NMNAT2: variants seen among roughly 807,000 people sequenced by gnomAD.
The protein encoded by NMNAT2 is nicotinamide/nicotinic acid mononucleotide adenylyltransferase 2.
NMNAT2 carries 11 observed loss-of-function variants against 41.6 expected under a neutral mutation model. That is an observed-to-expected ratio of 0.26 (90% CI 0.17 to 0.44). The LOEUF (loss-of-function observed/expected upper bound fraction) is 0.44, where lower values mean the gene tolerates loss of function less well. Among genes scored for constraint, NMNAT2 ranks in the 20% least tolerant of loss-of-function variants. The pLI is 1.00. For missense variants in NMNAT2, 288 were observed against 407.7 expected, an observed-to-expected ratio of 0.71 and a Z score of 2.53; for synonymous variants, 148 against 151.2, an observed-to-expected ratio of 0.98 and a Z score of 0.16.
intron 1 of NMNAT2, among the ~76,000 whole-genome samples, chr1:183,403,256 T>A (rs762809154): frequency 1.4e-4 from 21 of 152,166 alleles, no homozygotes; most frequent in Non-Finnish European, 2.8e-4. Flanking sequence ...ATCTTATTCC[T>A]CTTTTCTCCC....
At chr1:183,285,052 T>C (rs1401248034) in intron 5 of NMNAT2, among the ~76,000 whole-genome samples, 2 of 152,212 alleles carry the variant, frequency 1.3e-5, no homozygotes, top group African/African-American at 2.4e-5. Flanking sequence ...TATTTCATTG[T>C]TGAAAACTTG....
intron 1 of NMNAT2, among the ~76,000 whole-genome samples, chr1:183,353,168 G>A (rs1034497182): frequency 1.1e-4 from 17 of 151,924 alleles, no homozygotes; most frequent in African/African-American, 3.4e-4. Context: ...CATCGTGCCC[G>A]GCTAGTTTTT....
intron 1 of NMNAT2, among the ~76,000 whole-genome samples, chr1:183,300,263 G>A (rs552741511): frequency 4.8e-4 from 73 of 152,162 alleles, no homozygotes; most frequent in Non-Finnish European, 7.4e-4. Context: ...TTAGCCAGGC[G>A]TGGTGGCACG....
At chr1:183,304,819 C>T in intron 1 of NMNAT2, 1 of 1,604,534 alleles carries the variant, frequency 6.2e-7, no homozygotes. Context: ...TGCAGCTGCT[C>T]CCTCATTGTT....
intron 8 of NMNAT2, among the ~76,000 whole-genome samples, chr1:183,266,408 C>A (rs1233395203): frequency 1.3e-5 from 2 of 152,142 alleles, no homozygotes; most frequent in Non-Finnish European, 2.9e-5. Flanking sequence ...CCTAATTAAA[C>A]CTGCATCCCT....
chr1:183,370,906 G>A (rs1487345900), intron 1 of NMNAT2, among the ~76,000 whole-genome samples: 1 of 152,210 alleles, frequency 6.6e-6, no homozygotes, highest in Non-Finnish European at 1.5e-5. Flanking sequence ...AGAGCCTCAG[G>A]GAGGGTTGAG....
In NMNAT2 at chr1:183,412,796, A is replaced by G. The variant is rs142465093; in HGVS notation, c.85+5387T>C. On this transcript the variant is annotated intron_variant, in intron 1 of 10. Coordinates refer to ENST00000287713, the MANE Select transcript of NMNAT2 (RefSeq NM_015039.4). Reference sequence around the variant, plus strand: ...AAGAAACTGAAACAAGAATAAAACTATAAGCATTTAGTCTTATCTAGGGAA... The same window carrying G: ...AAGAAACTGAAACAAGAATAAAACTGTAAGCATTTAGTCTTATCTAGGGAA... Among the ~76,000 whole-genome samples, 175 of 152,364 alleles carry G rather than the reference A, an allele frequency of 1.1e-3. 1 individual carries two copies. The highest frequency in any genetic ancestry group is 6.8e-3 in the Middle Eastern group (2 of 294).
At chr1:183,290,357 A>G (rs1661509018) in intron 3 of NMNAT2, 151 bp from the exon 4 acceptor site, 1 of 591,382 alleles carries the variant, frequency 1.7e-6, no homozygotes, top group Non-Finnish European at 3.0e-6. Context: ...GGTGTGAAAC[A>G]CTCTTCTGAG....
intron 1 of NMNAT2, among the ~76,000 whole-genome samples, chr1:183,309,887 G>A (rs1662071298): frequency 6.6e-6 from 1 of 152,166 alleles, no homozygotes; most frequent in Non-Finnish European, 1.5e-5. Flanking sequence ...TCATTTTTTA[G>A]CTAAAGGTGC....
Position 183,416,915 on chromosome 1 carries a change from G to C in NMNAT2, c.85+1268C>G, listed in dbSNP as rs921519412. Among the ~76,000 whole-genome samples, 144 of 152,164 alleles carry C rather than the reference G, an allele frequency of 9.5e-4. 1 individual carries two copies. The highest frequency in any genetic ancestry group is 2.9e-4 in the Non-Finnish European group (20 of 68,004). On this transcript the variant is annotated intron_variant, in intron 1 of 10. Coordinates refer to ENST00000287713, the MANE Select transcript of NMNAT2 (RefSeq NM_015039.4). Reference sequence around the variant, plus strand: ...AACACGTGTGCCCGCATCCAGCTCCGGCGCGCCCTGCATTTCAGCACCGCC... The same window carrying C: ...AACACGTGTGCCCGCATCCAGCTCCCGCGCGCCCTGCATTTCAGCACCGCC...
At chr1:183,321,766 A>G (rs1338968315) in intron 1 of NMNAT2, among the ~76,000 whole-genome samples, 1 of 151,992 alleles carries the variant, frequency 6.6e-6, no homozygotes, top group Non-Finnish European at 1.5e-5. Context: ...AGAAAAAGAA[A>G]CAAATATGTT....
intron 4 of NMNAT2, among the ~76,000 whole-genome samples, chr1:183,287,355 G>C (rs1322751201): frequency 1.3e-5 from 2 of 152,208 alleles, no homozygotes; most frequent in East Asian, 1.9e-4. Context: ...GGCCAGAGCT[G>C]TCAGTAACAC....
intron 8 of NMNAT2, among the ~76,000 whole-genome samples, chr1:183,262,292 A>G: frequency 9.3e-6 from 1 of 107,760 alleles, no homozygotes; most frequent in Non-Finnish European, 1.9e-5. Flanking sequence ...ATGTAATGCA[A>G]GCTTAGAGAA....
chr1:183,269,377 A>C (rs1660922413), intron 8 of NMNAT2, among the ~76,000 whole-genome samples: 1 of 152,206 alleles, frequency 6.6e-6, no homozygotes. Context: ...TAAACACAGG[A>C]CTTGAAACTT....
chr1:183,296,698 G>A (rs529077005), intron 1 of NMNAT2, among the ~76,000 whole-genome samples: 2 of 152,076 alleles, frequency 1.3e-5, no homozygotes, highest in African/African-American at 4.8e-5. Flanking sequence ...TTTTTTAGTA[G>A]AGATGGGGTT....
At chr1:183,308,720 C>T (rs1307663661) in intron 1 of NMNAT2, among the ~76,000 whole-genome samples, 1 of 152,094 alleles carries the variant, frequency 6.6e-6, no homozygotes, top group African/African-American at 2.4e-5. Context: ...AACTGTGAGT[C>T]TAAAGTAACT....
chr1:183,394,889 T>G (rs1648590256), intron 1 of NMNAT2, among the ~76,000 whole-genome samples: 1 of 152,222 alleles, frequency 6.6e-6, no homozygotes, highest in East Asian at 1.9e-4. Flanking sequence ...GCAGCTCCTC[T>G]AGTGATTTCT....
intron 1 of NMNAT2, among the ~76,000 whole-genome samples, chr1:183,341,748 C>CA (rs369432128): frequency 5.0e-5 from 4 of 79,792 alleles, no homozygotes; most frequent in Non-Finnish European, 7.3e-5. Flanking sequence ...AAAAAAAAAA[C>CA]CTGTTTCCTT....
intron 3 of NMNAT2, among the ~76,000 whole-genome samples, chr1:183,291,577 A>G (rs986506553): frequency 6.6e-6 from 1 of 152,160 alleles, no homozygotes; most frequent in Admixed American, 6.5e-5. Flanking sequence ...GGTGGTAGGC[A>G]CTCAGTAGAT....
Sources: allele counts gnomAD v4.1 joint callset (sites outside exome capture counted in the v4.1 genomes callset), GRCh38; gene constraint gnomAD v4.1.1; transcripts MANE v1.5; gene names NCBI Gene and HGNC (gene_info 2026-07-23, HGNC 2026-07-21).